The following UBR1 variants were observed in gnomAD, a reference collection of about 807,000 sequenced individuals.
UBR1 encodes the protein E3 ubiquitin-protein ligase UBR1.
UBR1 carries 102 observed loss-of-function variants against 242.1 expected under a neutral mutation model. That is an observed-to-expected ratio of 0.42 (90% confidence interval 0.36 to 0.50). The LOEUF is 0.50. UBR1 is among the 20% of genes least tolerant of loss of function. The pLI is 0.01. For missense variants in UBR1, 1,772 were observed against 2,101.8 expected (o/e 0.84, Z 3.07); for synonymous variants, 675 against 684.8 (o/e 0.99, Z 0.22).
chr15:43,098,667 C>T (rs1209051402), intron 1 of UBR1, among the ~76,000 whole-genome samples: 1 of 152,180 alleles, frequency 6.6e-6, no homozygotes, highest in African/African-American at 2.4e-5. Context: ...ACTGTTCCTT[C>T]CCTAGACTCT....
At chr15:42,979,596 G>A (rs2032344457) in intron 37 of UBR1, among the ~76,000 whole-genome samples, 1 of 152,030 alleles carries the variant, frequency 6.6e-6, no homozygotes, top group South Asian at 2.1e-4. Context: ...TGTCCCCCAG[G>A]CTGGAGTACA....
In UBR1 at chr15:43,025,422, T is replaced by C. The variant is rs757299423; in HGVS notation, c.2543A>G (p.His848Arg). Reference sequence around the variant, plus strand: ...TTGTTTTCTCCTTTTCTTCTGCATATGTTCAGCCTATAAAAAAATCTATCA... The same window carrying C: ...TTGTTTTCTCCTTTTCTTCTGCATACGTTCAGCCTATAAAAAAATCTATCA... ...YSKTQHSKAEHMQKKRRKQEN... is the reference protein window; with the variant it reads ...YSKTQHSKAERMQKKRRKQEN... The change falls in exon 24 of 47, where the codon CAT (histidine) becomes CGT (arginine). Residue 848 changes from histidine to arginine, a missense_variant. Coordinates refer to ENST00000290650, the MANE Select transcript of UBR1 (RefSeq NM_174916.3). 1.2e-6 allele frequency: 2 copies of C among 1,606,310 alleles called. No homozygotes were observed. The highest frequency in any genetic ancestry group is 2.2e-5 in the South Asian group (2 of 90,848).
At chr15:43,040,682 T>C (rs1428187971) in intron 15 of UBR1, among the ~76,000 whole-genome samples, 1 of 152,154 alleles carries the variant, frequency 6.6e-6, no homozygotes, top group Non-Finnish European at 1.5e-5. Flanking sequence ...AGAAAATTTT[T>C]GCAATCTACT....
intron 21 of UBR1, 31 bp from the exon 22 acceptor site, chr15:43,027,859 C>A: frequency 6.4e-7 from 1 of 1,564,038 alleles, no homozygotes; most frequent in South Asian, 1.1e-5. Flanking sequence ...TCATTTTTAC[C>A]TTCATATAAT....
intron 33 of UBR1, among the ~76,000 whole-genome samples, chr15:42,996,597 A>G (rs1054826882): frequency 6.6e-6 from 1 of 152,042 alleles, no homozygotes; most frequent in African/African-American, 2.4e-5. Context: ...CAAACAAAAA[A>G]ACAACAAACC....
chr15:42,950,088 T>G (rs535382765), intron 46 of UBR1, among the ~76,000 whole-genome samples, 174 bp downstream of exon 46: 7 of 152,166 alleles, frequency 4.6e-5, no homozygotes, highest in African/African-American at 1.4e-4. Flanking sequence ...ATCTGCCTGC[T>G]TCGGCCTCCC....
intron 1 of UBR1, 64 bp from the exon 2 acceptor site, chr15:43,086,304 C>T: frequency 6.4e-7 from 1 of 1,553,780 alleles, no homozygotes; most frequent in Non-Finnish European, 8.8e-7. Flanking sequence ...TCTAGGGGCA[C>T]AAATAATGAC....
chr15:42,959,533 C>T (rs1007998867), intron 43 of UBR1, among the ~76,000 whole-genome samples: 11 of 152,110 alleles, frequency 7.2e-5, no homozygotes, highest in Non-Finnish European at 1.5e-4. Context: ...GTAGATGACT[C>T]ATGACCAAAA....
intron 27 of UBR1, among the ~76,000 whole-genome samples, chr15:43,018,688 G>C (rs564612955): frequency 6.6e-6 from 1 of 152,288 alleles, no homozygotes; most frequent in East Asian, 1.9e-4. Context: ...ACTGTGCCCA[G>C]TAAAATTTAT....
intron 12 of UBR1, among the ~76,000 whole-genome samples, chr15:43,053,244 T>C (rs1356337942): frequency 6.6e-6 from 1 of 152,164 alleles, no homozygotes; most frequent in Non-Finnish European, 1.5e-5. Context: ...GGTAGGTATT[T>C]AGGGATGTGC....
chr15:43,029,902 C>T, intron 21 of UBR1, 42 bp downstream of exon 21: 3 of 1,609,986 alleles, frequency 1.9e-6, no homozygotes, highest in South Asian at 1.1e-5. Flanking sequence ...AACATCTACC[C>T]CATCTTGAGG....
chr15:43,093,622 A>G (rs1032819972), intron 1 of UBR1, among the ~76,000 whole-genome samples: 2 of 152,020 alleles, frequency 1.3e-5, no homozygotes, highest in African/African-American at 4.8e-5. Context: ...CTCTACAAAA[A>G]AACACAAAAA....
chr15:43,012,193 C>T (rs909873559), intron 29 of UBR1, among the ~76,000 whole-genome samples: 3 of 150,904 alleles, frequency 2.0e-5, no homozygotes, highest in Non-Finnish European at 4.4e-5. Context: ...TGCCACTGCA[C>T]TCCAGCCTGG....
chr15:42,966,118 C>T (rs1289234736), intron 41 of UBR1, 35 bp downstream of exon 41: 1 of 1,613,932 alleles, frequency 6.2e-7, no homozygotes, highest in East Asian at 2.2e-5. Context: ...GAAAATCTCC[C>T]ATTTTCCACT....
chr15:43,033,189 G>A (rs2033280174), intron 19 of UBR1, among the ~76,000 whole-genome samples: 1 of 151,856 alleles, frequency 6.6e-6, no homozygotes, highest in African/African-American at 2.4e-5. Context: ...GGCTATCCCA[G>A]AGTTCTTTAA....
At chr15:43,070,592 T>C (rs554765054) in intron 5 of UBR1, among the ~76,000 whole-genome samples, 1 of 152,228 alleles carries the variant, frequency 6.6e-6, no homozygotes, top group Admixed American at 6.5e-5. Context: ...CCTGATACAC[T>C]ACTCTTTTGG....
At chr15:43,032,657 A>C (rs775493032) in intron 19 of UBR1, 26 bp from the exon 20 acceptor site, 3 of 1,402,472 alleles carry the variant, frequency 2.1e-6, no homozygotes, top group South Asian at 2.4e-5. Context: ...AGAGTAAATT[A>C]GTTATGGAAG....
At chr15:43,013,337 T>C (rs578097540) in intron 29 of UBR1, among the ~76,000 whole-genome samples, 1 of 152,324 alleles carries the variant, frequency 6.6e-6, no homozygotes, top group African/African-American at 2.4e-5. Context: ...TATCACTGTA[T>C]AATAGCCCAC....
chr15:43,092,446 A>G (rs1250050471), intron 1 of UBR1, among the ~76,000 whole-genome samples: 1 of 152,248 alleles, frequency 6.6e-6, no homozygotes, highest in Non-Finnish European at 1.5e-5. Flanking sequence ...CTATAGGCCT[A>G]GCACAAGTAC....
Sources: gnomAD v4.1 joint callset for allele counts (sites outside exome capture counted in the v4.1 genomes callset) on GRCh38, gnomAD v4.1.1 for gene constraint, MANE v1.5 for transcripts, NCBI Gene and HGNC (gene_info 2026-07-23, HGNC 2026-07-21) for gene names.